Variants in ARHGAP10 observed in about 807,000 individuals in gnomAD.
The protein encoded by ARHGAP10 is rho GTPase-activating protein 10.
In ARHGAP10, 87 loss-of-function variants were observed where a neutral mutation model predicts 108.6. The ratio of observed to expected loss-of-function variants is 0.80; its 90% confidence interval spans 0.67 to 0.96. The LOEUF (loss-of-function observed/expected upper bound fraction) is 0.96, where lower values mean the gene tolerates loss of function less well. Ranked by LOEUF, ARHGAP10 falls within the 40% of genes least tolerant of loss-of-function variation. The pLI, the probability that ARHGAP10 is intolerant of heterozygous loss-of-function variation, is 0.00. For synonymous variants in ARHGAP10, 347 were observed against 341.1 expected, an observed-to-expected ratio of 1.02 and a Z score of -0.19; for missense variants, 939 against 954.5, an observed-to-expected ratio of 0.98 and a Z score of 0.21.
intron 18 of ARHGAP10, among the ~76,000 whole-genome samples, chr4:147,982,546 C>CTTTTTTTTTTTTT (rs753773443): frequency 4.1e-4 from 27 of 66,256 alleles, no homozygotes; most frequent in East Asian, 1.0e-3. Context: ...CCAGCTAAAT[C>CTTTTTTTTTTTTT]TTTTTTTTTT....
rs28601838 is a variant in ARHGAP10 at position 147,797,647 on chromosome 4, G to A, written c.155-25080G>A. Among the ~76,000 whole-genome samples, 1,311 of 152,146 alleles carry A rather than the reference G, an allele frequency of 8.6e-3. 20 individuals carry two copies. Among genetic ancestry groups the A allele is most frequent in the African/African-American group, 0.03 (1,253 of 41,506 alleles). On this transcript the variant is annotated intron_variant, in intron 1 of 22. Transcript: ENST00000336498. ...AGGATGATCTCGATCTCTTGACCTC[G>A]TGATCTGCCCGCCTCAGCCTCCCAG...
chr4:147,740,726 G>A (rs924809281), intron 1 of ARHGAP10, among the ~76,000 whole-genome samples: 2 of 152,072 alleles, frequency 1.3e-5, no homozygotes, highest in African/African-American at 4.8e-5. Context: ...CTACCCTTCA[G>A]TAGAGTAACT....
intron 16 of ARHGAP10, among the ~76,000 whole-genome samples, chr4:147,957,114 C>T (rs1354260002): frequency 6.6e-6 from 1 of 152,092 alleles, no homozygotes; most frequent in Non-Finnish European, 1.5e-5. Flanking sequence ...CTGTGATAGT[C>T]TTCACAGTGA....
At chr4:147,839,682 G>A (rs912247508) in intron 3 of ARHGAP10, among the ~76,000 whole-genome samples, 1 of 152,188 alleles carries the variant, frequency 6.6e-6, no homozygotes, top group African/African-American at 2.4e-5. Flanking sequence ...CAGTGTGGGG[G>A]AATGTAAAGT....
chr4:147,802,425 G>A (rs755569453), intron 1 of ARHGAP10, among the ~76,000 whole-genome samples: 4 of 152,218 alleles, frequency 2.6e-5, no homozygotes, highest in Non-Finnish European at 5.9e-5. Flanking sequence ...TGATCCTAAA[G>A]GTAAGGTGGT....
At chr4:147,941,035 AG>A (rs1738148197) in intron 14 of ARHGAP10, among the ~76,000 whole-genome samples, 1 of 152,196 alleles carries the variant, frequency 6.6e-6, no homozygotes. Flanking sequence ...AAATAGACTC[AG>A]GTTGCCAGTG....
intron 1 of ARHGAP10, among the ~76,000 whole-genome samples, chr4:147,764,780 G>A (rs563545334): frequency 6.6e-6 from 1 of 152,204 alleles, no homozygotes; most frequent in African/African-American, 2.4e-5. Context: ...AGTGATCCAC[G>A]TGCCTCGGCC....
intron 1 of ARHGAP10, among the ~76,000 whole-genome samples, chr4:147,779,392 G>A (rs1730435754): frequency 6.6e-6 from 1 of 152,124 alleles, no homozygotes; most frequent in Non-Finnish European, 1.5e-5. Context: ...TTAGGCAGTG[G>A]GAAGCCATTG....
intron 18 of ARHGAP10, among the ~76,000 whole-genome samples, chr4:147,980,784 G>A (rs970423601): frequency 2.0e-5 from 3 of 152,132 alleles, no homozygotes; most frequent in African/African-American, 4.8e-5. Context: ...GTGGTTGTAT[G>A]TTTCCAGGAA....
intron 1 of ARHGAP10, among the ~76,000 whole-genome samples, chr4:147,801,821 C>T (rs1731593818): frequency 6.6e-6 from 1 of 152,094 alleles, no homozygotes; most frequent in South Asian, 2.1e-4. Flanking sequence ...AGCTTTTTTT[C>T]CTCTGCTGCA....
chr4:148,066,248 A>C (rs1042062800), intron 22 of ARHGAP10, among the ~76,000 whole-genome samples: 1 of 152,172 alleles, frequency 6.6e-6, no homozygotes, highest in Non-Finnish European at 1.5e-5. Flanking sequence ...GAATGAGAAA[A>C]CTTTTCCAGG....
chr4:147,873,547 G>C (rs895608976), intron 7 of ARHGAP10, among the ~76,000 whole-genome samples: 1 of 151,770 alleles, frequency 6.6e-6, no homozygotes. Context: ...GGATAAGGGT[G>C]GGGGATGGTG....
chr4:147,900,526 T>C (rs1370705019), intron 10 of ARHGAP10, among the ~76,000 whole-genome samples: 1 of 152,194 alleles, frequency 6.6e-6, no homozygotes, highest in Non-Finnish European at 1.5e-5. Flanking sequence ...TCTGACTTGC[T>C]GTATGTGATG....
At chr4:147,883,130 T>C (rs1735398763) in intron 10 of ARHGAP10, among the ~76,000 whole-genome samples, 1 of 152,184 alleles carries the variant, frequency 6.6e-6, no homozygotes, top group African/African-American at 2.4e-5. Flanking sequence ...TTATTGTACA[T>C]AAAAACAGGC....
intron 1 of ARHGAP10, among the ~76,000 whole-genome samples, chr4:147,738,867 T>C (rs138780126): frequency 6.6e-6 from 1 of 152,130 alleles, no homozygotes; most frequent in East Asian, 1.9e-4. Context: ...TGATTGTAGT[T>C]CGGGATGCTG....
rs1437869340 is a variant in ARHGAP10 at position 148,047,043 on chromosome 4, A to C, written c.2019A>C (p.Ala673=). The C allele has an allele frequency of 5.0e-6, 8 of 1,613,988 alleles. No homozygotes were observed. The highest frequency in any genetic ancestry group is 6.8e-6 in the Non-Finnish European group (8 of 1,180,026). ...LADGGSFGDW[A]STIPGQTRSS... is the part of the protein sequence containing the mutation. Reference sequence around the variant, plus strand: ...ATGGAGGGAGCTTTGGAGACTGGGCATCCACTATGTAAGTAACCGTGCTTC... The same window carrying C: ...ATGGAGGGAGCTTTGGAGACTGGGCCTCCACTATGTAAGTAACCGTGCTTC... The change falls in exon 20 of 23, where the codon GCA becomes GCC. Residue 673 remains alanine (A), a synonymous_variant. Coordinates refer to ENST00000336498, the MANE Select transcript of ARHGAP10 (RefSeq NM_024605.4).
rs1325092525 is a variant in ARHGAP10 at position 147,797,522 on chromosome 4, C to A, written c.155-25205C>A. Among the ~76,000 whole-genome samples the A allele has an allele frequency of 3.3e-5, 5 of 152,304 alleles. No homozygotes were observed. The East Asian group carries it at 9.6e-4, about 29-fold the overall frequency. On this transcript the variant is annotated intron_variant, in intron 1 of 22. Transcript: ENST00000336498. Reference sequence around the variant, plus strand: ...CCGCCTCCCAGGTTCAAGTGATTCTCCTGCCTCAGCCTCTGGAGTAGCTGG... The same window carrying A: ...CCGCCTCCCAGGTTCAAGTGATTCTACTGCCTCAGCCTCTGGAGTAGCTGG...
At chr4:147,965,980 A>G (rs1302412897) in intron 17 of ARHGAP10, among the ~76,000 whole-genome samples, 1 of 152,206 alleles carries the variant, frequency 6.6e-6, no homozygotes, top group Non-Finnish European at 1.5e-5. Context: ...CTTTTTGAAG[A>G]TGGTATCTTT....
chr4:147,843,557 C>T (rs1472667277), intron 3 of ARHGAP10, among the ~76,000 whole-genome samples: 35 of 152,104 alleles, frequency 2.3e-4, no homozygotes, highest in Admixed American at 2.2e-3. Flanking sequence ...GACGGAGTTT[C>T]GCTGTGTTGC....
Sources: allele counts gnomAD v4.1 joint callset (sites outside exome capture counted in the v4.1 genomes callset), GRCh38; gene constraint gnomAD v4.1.1; transcripts MANE v1.5; gene names NCBI Gene and HGNC (gene_info 2026-07-23, HGNC 2026-07-21).